The following MECOM variants were observed in gnomAD, a reference collection of about 807,000 sequenced individuals.
MECOM encodes histone-lysine N-methyltransferase MECOM.
A neutral mutation model predicts 116.3 loss-of-function variants in MECOM; 13 were observed. That is an observed-to-expected ratio of 0.11 (90% CI 0.07 to 0.18). The LOEUF (loss-of-function observed/expected upper bound fraction) is 0.18. Ranked by LOEUF, MECOM falls within the 10% of genes least tolerant of loss-of-function variation. The pLI is 1.00. For missense variants in MECOM, 1,299 were observed against 1,509.0 expected, an observed-to-expected ratio of 0.86 and a Z score of 2.31; for synonymous variants, 528 against 535.2, an observed-to-expected ratio of 0.99 and a Z score of 0.19.
chr3:169,638,260 T>C (rs1773052977), intron 1 of MECOM, among the ~76,000 whole-genome samples: 1 of 152,170 alleles, frequency 6.6e-6, no homozygotes, highest in Admixed American at 6.5e-5. Context: ...TCCTAACTAC[T>C]CACCTTCCTC....
chr3:169,612,707 C>T (rs1327925187), intron 1 of MECOM, among the ~76,000 whole-genome samples: 1 of 152,114 alleles, frequency 6.6e-6, no homozygotes, highest in East Asian at 1.9e-4. Flanking sequence ...GATTTGAGCT[C>T]TGTTTGAAAC....
At chr3:169,435,346 A>G (rs1742463587) in intron 1 of MECOM, among the ~76,000 whole-genome samples, 2 of 152,152 alleles carry the variant, frequency 1.3e-5, no homozygotes, top group Admixed American at 1.3e-4. Flanking sequence ...AAGGTGTACT[A>G]TCGGCTCATA....
chr3:169,550,432 A>C (rs1761232356), intron 1 of MECOM, among the ~76,000 whole-genome samples: 1 of 152,264 alleles, frequency 6.6e-6, no homozygotes. Context: ...ATTTCAGTGA[A>C]GAAGTGAAAA....
intron 1 of MECOM, among the ~76,000 whole-genome samples, chr3:169,651,458 G>C (rs1317860723): frequency 6.6e-6 from 1 of 152,094 alleles, no homozygotes; most frequent in Non-Finnish European, 1.5e-5. Context: ...TCAGGATATT[G>C]GTCTGTAGTT....
chr3:169,438,758 T>C (rs914568587), intron 1 of MECOM, among the ~76,000 whole-genome samples: 3 of 152,190 alleles, frequency 2.0e-5, no homozygotes, highest in Non-Finnish European at 4.4e-5. Context: ...GGTTTTCTTG[T>C]TCCAATATGC....
intron 2 of MECOM, among the ~76,000 whole-genome samples, chr3:169,357,015 T>C (rs1727392985): frequency 6.6e-6 from 1 of 151,890 alleles, no homozygotes; most frequent in South Asian, 2.1e-4. Context: ...CTGCCAAATT[T>C]GATGTCAACA....
intron 1 of MECOM, among the ~76,000 whole-genome samples, chr3:169,537,576 T>C (rs1270309263): frequency 6.6e-6 from 1 of 152,178 alleles, no homozygotes; most frequent in African/African-American, 2.4e-5. Context: ...ATGTTATAAT[T>C]GACAGGCTAA....
chr3:169,618,520 G>C, intron 1 of MECOM, among the ~76,000 whole-genome samples: 1 of 152,114 alleles, frequency 6.6e-6, no homozygotes, highest in East Asian at 1.9e-4. Context: ...AGCTGGTCAT[G>C]GTGGCGCGCG....
intron 2 of MECOM, among the ~76,000 whole-genome samples, chr3:169,373,963 G>A (rs917626671): frequency 2.0e-5 from 3 of 151,830 alleles, no homozygotes; most frequent in Admixed American, 6.6e-5. Context: ...GAATGTGTGT[G>A]TCCTCCTAAA....
At chr3:169,315,878 A>G (rs1345149911) in intron 2 of MECOM, among the ~76,000 whole-genome samples, 1 of 152,214 alleles carries the variant, frequency 6.6e-6, no homozygotes, top group Non-Finnish European at 1.5e-5. Context: ...TAGATGCTAT[A>G]TAAAGGCATA....
At chr3:169,576,834 C>CAGAGAGAGAG (rs1279290609) in intron 1 of MECOM, among the ~76,000 whole-genome samples, 1 of 92,054 alleles carries the variant, frequency 1.1e-5, no homozygotes, top group Non-Finnish European at 2.4e-5. Flanking sequence ...CACACACACA[C>CAGAGAGAGAG]ACACAGAGAG....
intron 1 of MECOM, among the ~76,000 whole-genome samples, chr3:169,579,047 G>A (rs1764825621): frequency 6.6e-6 from 1 of 152,186 alleles, no homozygotes; most frequent in Non-Finnish European, 1.5e-5. Flanking sequence ...TTAATTAACA[G>A]ATGAAGAAGC....
At chr3:169,615,207 C>T (rs1027872398) in intron 1 of MECOM, among the ~76,000 whole-genome samples, 2 of 152,154 alleles carry the variant, frequency 1.3e-5, no homozygotes, top group Admixed American at 6.5e-5. Flanking sequence ...TTTCTCAGGA[C>T]ACCTTGTACC....
intron 2 of MECOM, chr3:169,146,106 CTG>C: frequency 2.5e-6 from 1 of 400,008 alleles, no homozygotes; most frequent in Non-Finnish European, 3.8e-6. Context: ...TAACACACTC[CTG>C]TGTTTTTAAA....
intron 16 of MECOM, among the ~76,000 whole-genome samples, chr3:169,088,022 C>T (rs1026284661): frequency 1.2e-4 from 18 of 152,160 alleles, no homozygotes; most frequent in Non-Finnish European, 2.4e-4. Flanking sequence ...ATCCCATTGA[C>T]ACAATGTTTT....
intron 2 of MECOM, among the ~76,000 whole-genome samples, chr3:169,305,416 G>A (rs1338245537): frequency 6.6e-6 from 1 of 151,826 alleles, no homozygotes; most frequent in Non-Finnish European, 1.5e-5. Flanking sequence ...TGTGGGGGCT[G>A]GAAAAAAAAT....
chr3:169,662,296 G>A (rs944742669), intron 1 of MECOM, among the ~76,000 whole-genome samples: 3 of 152,190 alleles, frequency 2.0e-5, no homozygotes, highest in South Asian at 4.1e-4. Context: ...CAGACGAAGC[G>A]CCGGAGGCTG....
chr3:169,272,626 T>C (rs543265229), intron 2 of MECOM, among the ~76,000 whole-genome samples: 82 of 152,298 alleles, frequency 5.4e-4, no homozygotes, highest in Admixed American at 1.6e-3. Context: ...ATCTGAATGC[T>C]GAGGAGACCA....
chr3:169,383,894 T>C (rs189962420), intron 1 of MECOM, among the ~76,000 whole-genome samples: 74 of 152,346 alleles, frequency 4.9e-4, no homozygotes, highest in African/African-American at 1.7e-3. Flanking sequence ...TCTTCCTGCC[T>C]GGCACTCCTC....
Sources: allele counts gnomAD v4.1 joint callset (sites outside exome capture counted in the v4.1 genomes callset), GRCh38; gene constraint gnomAD v4.1.1; transcripts MANE v1.5; gene names NCBI Gene and HGNC (gene_info 2026-07-23, HGNC 2026-07-21).